DENND4A: variants seen among roughly 807,000 people sequenced by gnomAD.
DENND4A encodes the protein C-myc promoter-binding protein.
In DENND4A, 70 loss-of-function variants were observed where a neutral mutation model predicts 199.3. That is an observed-to-expected ratio of 0.35 (90% CI 0.29 to 0.43). The LOEUF is 0.43. Among genes scored for constraint, DENND4A ranks in the 20% least tolerant of loss-of-function variants. DENND4A has a pLI of 1.00. For missense variants in DENND4A, 1,723 were observed against 2,255.8 expected, an observed-to-expected ratio of 0.76 and a Z score of 4.78; for synonymous variants, 686 against 766.9, an observed-to-expected ratio of 0.89 and a Z score of 1.74.
intron 1 of DENND4A, among the ~76,000 whole-genome samples, chr15:65,773,458 A>G (rs1273371154): frequency 2.0e-5 from 3 of 152,196 alleles, no homozygotes; most frequent in South Asian, 2.1e-4. Context: ...CAGGAAGCAC[A>G]AGAAGGACAC....
chr15:65,678,339 C>CT (rs376584603), intron 23 of DENND4A, among the ~76,000 whole-genome samples: 19 of 151,826 alleles, frequency 1.3e-4, no homozygotes, highest in African/African-American at 4.4e-4. Flanking sequence ...TTTGGTTTGC[C>CT]TTTTTTTTCT....
Position 65,680,841 on chromosome 15 carries a change from T to C in DENND4A, c.4180-4207A>G, listed in dbSNP as rs2076549150. On this transcript the variant is annotated intron_variant, in intron 23 of 32. Transcript: ENST00000443035. ...GTACAACAGCATTATGTCTAAAAAA[T>C]GCACATAAATTTTAAAATACCTTAT... 3 of 152,194 alleles carry C rather than the reference T, an allele frequency of 2.0e-5. No homozygotes were observed. The South Asian group carries it at 6.2e-4, about 32-fold the overall frequency. The allele number at this position is 152,194 out of a possible 1,614,324, so 9.4% of individuals were successfully genotyped here. A position where few individuals can be genotyped will look rare whatever the true frequency, so the allele number is the denominator to read the frequency against.
chr15:65,722,695 T>A (rs1179340109), intron 12 of DENND4A, among the ~76,000 whole-genome samples, 153 bp downstream of exon 12: 1 of 152,178 alleles, frequency 6.6e-6, no homozygotes, highest in Non-Finnish European at 1.5e-5. Context: ...CTCTCATTCA[T>A]CTTCTAACAA....
At position 65,671,776 on chromosome 15, in the gene DENND4A, T is replaced by C. The variant is rs1458824014; in HGVS notation, c.4464+16A>G. 1 of 1,492,974 alleles carries C rather than the reference T, an allele frequency of 6.7e-7. No individual in the cohort carries two copies. The highest frequency in any genetic ancestry group is 9.3e-7 in the Non-Finnish European group (1 of 1,069,778). 92.5% of individuals were successfully genotyped at this position (1,492,974 alleles called of 1,614,324 possible). A position where few individuals can be genotyped will look rare whatever the true frequency, so the allele number is the denominator to read the frequency against. On this transcript the variant is annotated intron_variant, in intron 25 of 32. Transcript: ENST00000443035. ...TAAAGCAGTATATGAAGATTCTCTT[T>C]TGCACAAAAGTGTACCTCCATTGCA...
chr15:65,738,700 T>C lies in DENND4A; in HGVS notation c.801+6A>G, dbSNP rs1339619506. ...TTGTAGATACAATTTGTCAAACACA[T>C]AATACCTTTTCAGCTGAGGCTCCAG... On this transcript the variant is annotated splice_donor_region_variant and intron_variant, in intron 6 of 32. Coordinates refer to ENST00000443035, the MANE Select transcript of DENND4A (RefSeq NM_001320835.1). 1.9e-6 allele frequency: 3 copies of C among 1,606,192 alleles called. No homozygotes were observed. Among genetic ancestry groups the C allele is most frequent in the Admixed American group, 3.4e-5 (2 of 58,340 alleles).
In DENND4A at chr15:65,694,576, C is replaced by T. The variant is rs188814871; in HGVS notation, c.3082+1790G>A. Reference sequence around the variant, plus strand: ...TTACACACAAACACACACAAACACACAAGGGTGTTCAATGATATAAATAAA... The same window carrying T: ...TTACACACAAACACACACAAACACATAAGGGTGTTCAATGATATAAATAAA... On this transcript the variant is annotated intron_variant, in intron 22 of 32. Transcript: ENST00000443035. Among the ~76,000 whole-genome samples, 587 of 152,182 alleles carry T rather than the reference C, an allele frequency of 3.9e-3. 2 individuals are homozygous for T. The highest frequency in any genetic ancestry group is 6.2e-3 in the Non-Finnish European group (423 of 68,004).
intron 23 of DENND4A, among the ~76,000 whole-genome samples, chr15:65,688,884 C>G (rs987640273): frequency 9.2e-5 from 14 of 152,102 alleles, no homozygotes; most frequent in Non-Finnish European, 1.8e-4. Flanking sequence ...TATATTTTGT[C>G]TGGTTTTTAA....
At chr15:65,662,085 G>A (rs2075860965) in intron 32 of DENND4A, 98 bp from the exon 33 acceptor site, 11 of 990,762 alleles carry the variant, frequency 1.1e-5, no homozygotes, top group South Asian at 1.8e-5. Flanking sequence ...CAACATTAGA[G>A]GCCAAGAAGG....
At chr15:65,741,670 A>C (rs753188642) in intron 5 of DENND4A, 45 bp downstream of exon 5, 2 of 1,548,988 alleles carry the variant, frequency 1.3e-6, no homozygotes, top group Admixed American at 1.7e-5. Flanking sequence ...TCCGGGCCCT[A>C]TAATACATTT....
At chr15:65,678,273 TTCTC>T (rs904578845) in intron 23 of DENND4A, among the ~76,000 whole-genome samples, 3 of 152,220 alleles carry the variant, frequency 2.0e-5, no homozygotes. Flanking sequence ...CTCATGTATC[TTCTC>T]TATCAATTTT....
At chr15:65,771,691 C>T (rs2077129978) in intron 1 of DENND4A, 3 of 1,610,348 alleles carry the variant, frequency 1.9e-6, no homozygotes, top group African/African-American at 1.3e-5. Flanking sequence ...GAAATCCACC[C>T]CCAAAAAATA....
At chr15:65,662,050 A>G (rs2075859238) in intron 32 of DENND4A, 63 bp from the exon 33 acceptor site, 3 of 1,358,598 alleles carry the variant, frequency 2.2e-6, no homozygotes, top group Non-Finnish European at 3.0e-6. Flanking sequence ...GAAAACTATC[A>G]AGTTTCTATA....
chr15:65,691,459 T>C lies in DENND4A; in HGVS notation c.3135A>G (p.Thr1045=). ...TGAAGCATCTACTTTGAATGTTTCG[T>C]GTTTCATTTGTATCTTCAAGAGATG... ...LISSLEDTNE[T]RNIQSRCFRK... The change falls in exon 23 of 33, where the codon ACA becomes ACG. Residue 1045 remains threonine, a synonymous_variant. Transcript: ENST00000443035. 1 of 1,612,476 alleles carries C rather than the reference T, an allele frequency of 6.2e-7. No individual in the cohort carries two copies. Among genetic ancestry groups the C allele is most frequent in the Non-Finnish European group, 8.5e-7 (1 of 1,179,198 alleles).
intron 4 of DENND4A, among the ~76,000 whole-genome samples, chr15:65,751,195 G>A (rs2076552119): frequency 6.6e-6 from 1 of 152,158 alleles, no homozygotes; most frequent in South Asian, 2.1e-4. Context: ...GGCAATAGAG[G>A]CGTTGTGAAG....
At chr15:65,738,032 CTA>C (rs1316984268) in intron 6 of DENND4A, 87 bp from the exon 7 acceptor site, 64 of 1,363,084 alleles carry the variant, frequency 4.7e-5, no homozygotes, top group Non-Finnish European at 6.2e-5. Context: ...TAAATGCTTG[CTA>C]TGAGCCAGGT....
chr15:65,788,479 T>C (rs1396539153), intron 1 of DENND4A, among the ~76,000 whole-genome samples: 2 of 152,200 alleles, frequency 1.3e-5, no homozygotes, highest in Non-Finnish European at 2.9e-5. Flanking sequence ...ACAATGAATC[T>C]TAAGATAGTT....
rs139401137 is a variant in DENND4A, at chr15:65,690,910, T to C, written c.3684A>G (p.Glu1228=). 1.0e-4 allele frequency: 165 copies of C among 1,607,448 alleles called. No homozygotes were observed. The East Asian group carries it at 2.0e-3, about 20-fold the overall frequency. ...VAETEQQQKE[E]EEEDEDDSKS... ...TGCTATCATCTTCATCCTCCTCCTC[T>C]TCTTCTTTTTGCTGCTGTTCAGTCT... is the stretch of plus-strand genomic sequence containing the variant. Residue 1228 remains glutamate, a synonymous_variant, in exon 23 of 33, where the codon GAA becomes GAG. Transcript: ENST00000443035.
At chr15:65,744,454 C>A (rs1251970631) in intron 4 of DENND4A, among the ~76,000 whole-genome samples, 1 of 152,090 alleles carries the variant, frequency 6.6e-6, no homozygotes, top group Non-Finnish European at 1.5e-5. Context: ...ATTTACATGG[C>A]ACACTTCCTC....
At chr15:65,665,192 C>T (rs2075994891) in intron 30 of DENND4A, 153 bp downstream of exon 30, 1 of 550,580 alleles carries the variant, frequency 1.8e-6, no homozygotes, top group Admixed American at 3.6e-5. Context: ...AAAAATCAAA[C>T]ACTCACTCTC....
Sources: allele counts gnomAD v4.1 joint callset (sites outside exome capture counted in the v4.1 genomes callset), GRCh38; gene constraint gnomAD v4.1.1; transcripts MANE v1.5; gene names NCBI Gene and HGNC (gene_info 2026-07-23, HGNC 2026-07-21).